SLC66A1: variants seen among roughly 807,000 people sequenced by gnomAD.
The protein encoded by SLC66A1 is lysosomal amino acid transporter 1 homolog.
Under a neutral mutation model 33.0 loss-of-function variants are expected in SLC66A1, and 23 were observed. The ratio of observed to expected loss-of-function variants is 0.70; its 90% CI spans 0.50 to 0.99. SLC66A1 has a LOEUF of 0.99. Among genes scored for constraint, SLC66A1 ranks in the 50% least tolerant of loss-of-function variants. The pLI, the probability that SLC66A1 is intolerant of heterozygous loss-of-function variation, is 0.00. For missense variants in SLC66A1, 335 were observed against 383.6 expected (o/e 0.87, Z 1.06); for synonymous variants, 164 against 175.5 (o/e 0.93, Z 0.52).
chr1:19,315,096 A>T (rs2093798195), intron 1 of SLC66A1, among the ~76,000 whole-genome samples: 1 of 152,118 alleles, frequency 6.6e-6, no homozygotes, highest in Non-Finnish European at 1.5e-5. Context: ...TTTGATAGAG[A>T]TGGTGTTTCA....
chr1:19,330,456 G>C (rs1423858736), downstream of SLC66A1, among the ~76,000 whole-genome samples: 1 of 152,196 alleles, frequency 6.6e-6, no homozygotes, highest in Non-Finnish European at 1.5e-5. Flanking sequence ...GGGCTGTGGT[G>C]AACCAGCTCC....
Position 19,326,279 on chromosome 1 carries a change from C to T in SLC66A1, c.417C>T (p.Leu139=). The part of the protein sequence containing the change: ...SAPINSVLLF[L]MGMACATPLL... The stretch of plus-strand genomic sequence containing the variant: ...CCATCAACTCCGTGCTGTTGTTCCT[C>T]ATGGGGATGGCGTGCGCCACACCGC... Residue 139 remains leucine (L), a synonymous_variant, in exon 5 of 8, where the codon CTC becomes CTT. Coordinates refer to ENST00000375153, the MANE Select transcript of SLC66A1 (RefSeq NM_001040125.2). 6.2e-7 allele frequency: 1 copy of T among 1,606,790 alleles called. No homozygotes were observed. The highest frequency in any genetic ancestry group is 1.1e-5 in the South Asian group (1 of 91,034).
At chr1:19,316,606 C>G (rs2093807228) in intron 1 of SLC66A1, among the ~76,000 whole-genome samples, 1 of 151,868 alleles carries the variant, frequency 6.6e-6, no homozygotes, top group African/African-American at 2.4e-5. Context: ...TTCTCGAACT[C>G]CTGGGCTCAA....
chr1:19,328,567 C>T lies in SLC66A1; in HGVS notation c.805-5C>T, dbSNP rs1380854085. The T allele has an allele frequency of 6.2e-7, 1 of 1,612,860 alleles. No homozygotes were observed. The highest frequency in any genetic ancestry group is 1.7e-5 in the Admixed American group (1 of 59,940). On this transcript the variant is annotated splice_polypyrimidine_tract_variant and splice_region_variant and intron_variant, in intron 7 of 7. Transcript: ENST00000375153. The surrounding 1 kb of genome is among the most constrained non-coding windows in gnomAD (Gnocchi z 4.7). ...TCAGCTTGGCCTTAACGGCGGCACC[C>T]CCAGATCTCCATCCAGTTCCTGGTG...
intron 1 of SLC66A1, among the ~76,000 whole-genome samples, chr1:19,313,826 C>T (rs1392378521): frequency 1.3e-5 from 2 of 152,124 alleles, no homozygotes; most frequent in Admixed American, 1.3e-4. Context: ...ATCATGTGCC[C>T]GAAGCACCCT....
rs985248946 is a variant in SLC66A1, at chr1:19,329,294, C to G, written c.*651C>G. 6.5e-6 allele frequency: 1 copy of G among 152,790 alleles called. No homozygotes were observed. Among genetic ancestry groups the G allele is most frequent in the Non-Finnish European group, 1.5e-5 (1 of 68,528 alleles). The allele number at this position is 152,790 out of a possible 1,614,324, so 9.5% of individuals were successfully genotyped here. A position where few individuals can be genotyped will look rare whatever the true frequency, so the allele number is the denominator to read the frequency against. ...AAGATAACCGAGGAAACGGTACCTC[C>G]CCATGAGACCTGCTTCTGTTGCTCC... On this transcript the variant is annotated 3_prime_UTR_variant, in exon 8 of 8. Transcript: ENST00000375153.
rs1336237287 is a variant in SLC66A1 at position 19,321,141 on chromosome 1, A to G, written c.164+3300A>G. 3.4e-5 allele frequency among the ~76,000 whole-genome samples: 5 copies of G among 146,178 alleles called. No individual in the cohort carries two copies. In the South Asian group the frequency reaches 1.1e-3, roughly 31 times the overall value. Reference sequence around the variant, plus strand: ...TATCTAAGAAACCACTGCCAAATGCAGATAACAAAGATTTATCCTTATCTC... The same window carrying G: ...TATCTAAGAAACCACTGCCAAATGCGGATAACAAAGATTTATCCTTATCTC... On this transcript the variant is annotated intron_variant, in intron 2 of 7. Coordinates refer to ENST00000375153, the MANE Select transcript of SLC66A1 (RefSeq NM_001040125.2).
At position 19,312,396 on chromosome 1, in the gene SLC66A1, TGGGGGTC is replaced by T. The variant is rs2093781377; in HGVS notation, c.-567_-561del. The T allele has an allele frequency of 4.5e-6, 1 of 220,022 alleles. No individual in the cohort carries two copies. The highest frequency in any genetic ancestry group is 8.8e-6 in the Non-Finnish European group (1 of 113,466). 13.6% of individuals were successfully genotyped at this position (220,022 alleles called of 1,614,324 possible). Reference sequence around the variant, plus strand: ...GGGGGCAGGTGGCAAACTTCACGGCTGGGGGTCGGGGCTCCTGGGCTTCCCTGCCACA... The same window carrying T: ...GGGGGCAGGTGGCAAACTTCACGGCTGGGGCTCCTGGGCTTCCCTGCCACA... On this transcript the variant is annotated 5_prime_UTR_variant, in exon 1 of 8. Transcript: ENST00000375153.
At position 19,317,759 on chromosome 1, in the gene SLC66A1, G is replaced by T. The variant is rs2093813489; in HGVS notation, c.82G>T (p.Glu28Ter). 6.2e-7 allele frequency: 1 copy of T among 1,614,112 alleles called. No individual in the cohort carries two copies. The highest frequency in any genetic ancestry group is 8.5e-7 in the Non-Finnish European group (1 of 1,180,052). ...SIQWIWDVLG[E>*]CAQDGWDEAS... ...CCAGTGGATATGGGATGTGTTGGGT[G>T]AATGTGCCCAGGACGGCTGGGACGA... The change falls in exon 2 of 8, where the codon GAA becomes TAA. Residue 28 changes from glutamate to a stop codon, truncating the protein, a stop_gained. Transcript: ENST00000375153. LOFTEE classifies it high-confidence loss of function.
intron 3 of SLC66A1, among the ~76,000 whole-genome samples, chr1:19,324,981 C>T (rs1163614125): frequency 6.6e-6 from 1 of 152,228 alleles, no homozygotes; most frequent in Non-Finnish European, 1.5e-5. Context: ...GCAATATGAG[C>T]ATGTCTAACA....
intron 4 of SLC66A1, among the ~76,000 whole-genome samples, 198 bp downstream of exon 4, chr1:19,325,780 G>A (rs575732357): frequency 1.8e-4 from 27 of 152,342 alleles, no homozygotes; most frequent in Admixed American, 1.6e-3. Flanking sequence ...CAGTGAGCGC[G>A]TCCTGGCCCA....
downstream of SLC66A1, among the ~76,000 whole-genome samples, chr1:19,330,526 A>G (rs1292619184): frequency 6.6e-6 from 1 of 152,204 alleles, no homozygotes; most frequent in Non-Finnish European, 1.5e-5. Context: ...AAATGTCAGG[A>G]AATGAGCAGA....
Position 19,328,481 on chromosome 1 carries a change from G to A in SLC66A1, c.805-91G>A, listed in dbSNP as rs1056379249. ...TGCAGCGTGGGGGTGGGAGGGAGGG[G>A]AGAGGGAGGCAGCTCCCAGGAGTCG... On this transcript the variant is annotated intron_variant, in intron 7 of 7. Coordinates refer to ENST00000375153, the MANE Select transcript of SLC66A1 (RefSeq NM_001040125.2). This position sits in a 1 kb window ranked among gnomAD's most constrained non-coding sequence, Gnocchi z 4.7. 1.7e-6 allele frequency: 2 copies of A among 1,195,090 alleles called. No homozygotes were observed. Among genetic ancestry groups the A allele is most frequent in the Admixed American group, 4.0e-5 (2 of 50,536 alleles). 74.0% of individuals were successfully genotyped at this position (1,195,090 alleles called of 1,614,324 possible).
In SLC66A1 at chr1:19,317,698, C is replaced by T. The variant is rs772436993; in HGVS notation, c.21C>T (p.Gly7=). Residue 7 remains glycine (G), a synonymous_variant, in exon 2 of 8, where the codon GGC becomes GGT. Coordinates refer to ENST00000375153, the MANE Select transcript of SLC66A1 (RefSeq NM_001040125.2). MVWKKL[G]SRNFSSCPSG... ...CAGCCATGGTCTGGAAGAAACTGGG[C>T]TCCCGCAACTTCTCCAGCTGCCCCA... The T allele has an allele frequency of 1.2e-6, 2 of 1,614,006 alleles. No homozygotes were observed. Among genetic ancestry groups the T allele is most frequent in the East Asian group, 4.5e-5 (2 of 44,892 alleles).
chr1:19,316,353 T>TTTTGTG (rs377615723), intron 1 of SLC66A1, among the ~76,000 whole-genome samples: 17 of 144,918 alleles, frequency 1.2e-4, no homozygotes, highest in African/African-American at 3.3e-4. Flanking sequence ...TCTTTATGGT[T>TTTTGTG]TGTGTGTGTG....
intron 2 of SLC66A1, among the ~76,000 whole-genome samples, chr1:19,324,098 C>T (rs2093850900): frequency 6.6e-6 from 1 of 152,242 alleles, no homozygotes; most frequent in Admixed American, 6.5e-5. Flanking sequence ...CTCCAGGCGC[C>T]TCAGCCCCGC....
intron 1 of SLC66A1, among the ~76,000 whole-genome samples, chr1:19,316,257 C>G (rs188919661): frequency 6.6e-6 from 1 of 152,132 alleles, no homozygotes; most frequent in Non-Finnish European, 1.5e-5. Context: ...CAGGCTGCAT[C>G]GTCCCAAACT....
At chr1:19,320,653 G>A (rs962719330) in intron 2 of SLC66A1, among the ~76,000 whole-genome samples, 6 of 151,884 alleles carry the variant, frequency 4.0e-5, no homozygotes, top group Non-Finnish European at 7.4e-5. Context: ...CTGACCTTGT[G>A]ATCCGCCCGC....
downstream of SLC66A1, among the ~76,000 whole-genome samples, chr1:19,331,016 T>C (rs571948559): frequency 3.5e-3 from 535 of 151,558 alleles, 1 homozygote; most frequent in Admixed American, 6.2e-3. Flanking sequence ...ATGGGGGAGT[T>C]TTTATTTTTT....
Sources: gnomAD v4.1 joint callset for allele counts (sites outside exome capture counted in the v4.1 genomes callset) on GRCh38, gnomAD v4.1.1 for gene constraint, Gnocchi (gnomAD v3.1) non-coding constraint, MANE v1.5 for transcripts, NCBI Gene and HGNC (gene_info 2026-07-23, HGNC 2026-07-21) for gene names.